RARG: variants seen among roughly 807,000 people sequenced by gnomAD.
The protein encoded by RARG is retinoic acid receptor gamma, also known as RAR-gamma.
In RARG, 17 loss-of-function variants were observed where a neutral mutation model predicts 43.7. That is an observed-to-expected ratio of 0.39 (90% CI 0.27 to 0.58). The LOEUF is 0.58. Ranked by LOEUF, RARG falls within the 20% of genes least tolerant of loss-of-function variation. RARG has a pLI of 0.57. For synonymous variants in RARG, 238 were observed against 236.4 expected (o/e 1.01, Z -0.06); for missense variants, 346 against 598.7 (o/e 0.58, Z 4.40).
At position 53,223,105 on chromosome 12, in the gene RARG, G is replaced by T. The variant is rs541428779; in HGVS notation, c.184+4257C>A. Among the ~76,000 whole-genome samples the T allele has an allele frequency of 2.0e-5, 3 of 152,302 alleles. No individual in the cohort carries two copies. In the East Asian group the frequency reaches 5.8e-4, roughly 29 times the overall value. On this transcript the variant is annotated intron_variant, in intron 3 of 9. Transcript: ENST00000425354. The stretch of plus-strand genomic sequence containing the variant: ...GTCCCTGCCACCCTGGCAAGGATGA[G>T]TTTGGCCAGGACGAGGCAGGGCAGG...
At chr12:53,226,145 C>G (rs1943102457) in intron 3 of RARG, among the ~76,000 whole-genome samples, 1 of 152,114 alleles carries the variant, frequency 6.6e-6, no homozygotes, top group African/African-American at 2.4e-5. Flanking sequence ...TTCTCTCTCT[C>G]TCAGACAGAA....
At chr12:53,216,841 T>TGTGTGTGTGC (rs1430491578) in intron 3 of RARG, among the ~76,000 whole-genome samples, 37 of 129,430 alleles carry the variant, frequency 2.9e-4, no homozygotes, top group African/African-American at 1.0e-3. Context: ...TGTGTGTGTG[T>TGTGTGTGTGC]GCGCGCGCGC....
Position 53,213,794 on chromosome 12 carries a change from A to T in RARG, c.814-94T>A. On this transcript the variant is annotated intron_variant, in intron 7 of 9. Transcript: ENST00000425354. The surrounding 1 kb of genome is among the most constrained non-coding windows in gnomAD (Gnocchi z 4.7). ...AAGTGAGGAGGTTAGGTCCCCAGTG[A>T]GTGCAACCTGAAGCAGGCATGGAGA... is the stretch of plus-strand genomic sequence containing the variant. 2.3e-6 allele frequency: 3 copies of T among 1,322,538 alleles called. No individual in the cohort carries two copies. Among genetic ancestry groups the T allele is most frequent in the Non-Finnish European group, 3.2e-6 (3 of 941,100 alleles). 81.9% of individuals were successfully genotyped at this position (1,322,538 alleles called of 1,614,324 possible).
intron 3 of RARG, chr12:53,220,327 T>C (rs1005976558): frequency 1.5e-6 from 2 of 1,358,670 alleles, no homozygotes; most frequent in Non-Finnish European, 1.9e-6. Context: ...TTAGCCTCCG[T>C]CCAGCTCTTA....
chr12:53,222,206 A>G (rs959434204), intron 3 of RARG, among the ~76,000 whole-genome samples: 1 of 151,372 alleles, frequency 6.6e-6, no homozygotes, highest in African/African-American at 2.4e-5. Flanking sequence ...AGTCACCCGA[A>G]CCCCACAAAA....
intron 3 of RARG, chr12:53,219,977 C>A: frequency 6.6e-7 from 1 of 1,517,944 alleles, no homozygotes; most frequent in South Asian, 1.2e-5. Context: ...TGCGGCCAGG[C>A]AAAAGATTCA....
intron 3 of RARG, among the ~76,000 whole-genome samples, chr12:53,225,122 T>C (rs888182934): frequency 3.9e-5 from 6 of 152,306 alleles, no homozygotes. Flanking sequence ...GGGTGGTTCC[T>C]TCCCACTTCC....
rs529503303 is a variant in RARG, at chr12:53,214,941, G to T, written c.476-335C>A. On this transcript the variant is annotated intron_variant, in intron 5 of 9. Transcript: ENST00000425354. ...GCCTTGGCAGCACAATGGGGGCGAG[G>T]GGGGGGTGGAGAGGAGGAGCCACCC... 24 of 397,582 alleles carry T rather than the reference G, an allele frequency of 6.0e-5. No homozygotes were observed. The South Asian group carries it at 7.9e-4, about 13-fold the overall frequency. 24.6% of individuals were successfully genotyped at this position (397,582 alleles called of 1,614,324 possible). A position where few individuals can be genotyped will look rare whatever the true frequency, so the allele number is the denominator to read the frequency against.
chr12:53,225,155 T>C (rs1943075577), intron 3 of RARG, among the ~76,000 whole-genome samples: 3 of 152,124 alleles, frequency 2.0e-5, no homozygotes, highest in South Asian at 4.1e-4. Context: ...GACAGATTCA[T>C]GGGGTGAAAA....
intron 3 of RARG, among the ~76,000 whole-genome samples, chr12:53,217,877 G>A (rs754855847): frequency 1.4e-4 from 21 of 152,136 alleles, no homozygotes; most frequent in Non-Finnish European, 2.1e-4. Flanking sequence ...TCCCAGCTGC[G>A]AGGCTCAGAG....
Position 53,219,888 on chromosome 12 carries a change from G to A in RARG, c.185-4094C>T, listed in dbSNP as rs575459679. ...CACCTCAGTTCCACTCTTTACACACGGAAAGAGTAAATCCCACCCTCTCCT... is the reference window on the plus strand; with the variant it reads ...CACCTCAGTTCCACTCTTTACACACAGAAAGAGTAAATCCCACCCTCTCCT... On this transcript the variant is annotated intron_variant, in intron 3 of 9. Transcript: ENST00000425354. 1,087 of 1,393,058 alleles carry A rather than the reference G, an allele frequency of 7.8e-4. 18 individuals are homozygous for A. The South Asian group carries it at 0.016, about 20-fold the overall frequency. The allele number at this position is 1,393,058 out of a possible 1,614,324, so 86.3% of individuals were successfully genotyped here. A position where few individuals can be genotyped will look rare whatever the true frequency, so the allele number is the denominator to read the frequency against.
intron 2 of RARG, among the ~76,000 whole-genome samples, chr12:53,230,675 A>G (rs1943211481): frequency 2.0e-5 from 3 of 151,056 alleles, no homozygotes; most frequent in African/African-American, 7.3e-5. Flanking sequence ...CAGGCAGGCA[A>G]TGCCAGTGGA....
At position 53,213,298 on chromosome 12, in the gene RARG, A is replaced by G. The variant is rs750559241; in HGVS notation, c.1019-55T>C. On this transcript the variant is annotated intron_variant, in intron 8 of 9. Coordinates refer to ENST00000425354, the MANE Select transcript of RARG (RefSeq NM_000966.6). This position sits in a 1 kb window ranked among gnomAD's most constrained non-coding sequence, Gnocchi z 4.7. Reference sequence around the variant, plus strand: ...GGGAAGGAAGAGATGGGGAAGACACAGTGACAGATGGCTGATCACCAACCG... The same window carrying G: ...GGGAAGGAAGAGATGGGGAAGACACGGTGACAGATGGCTGATCACCAACCG... 6.6e-7 allele frequency: 1 copy of G among 1,509,988 alleles called. No individual in the cohort carries two copies. The highest frequency in any genetic ancestry group is 9.1e-7 in the Non-Finnish European group (1 of 1,094,008). 93.5% of individuals were successfully genotyped at this position (1,509,988 alleles called of 1,614,324 possible).
intron 3 of RARG, among the ~76,000 whole-genome samples, chr12:53,224,942 G>A (rs973968460): frequency 1.3e-5 from 2 of 152,134 alleles, no homozygotes. Flanking sequence ...GGGCGCAAGG[G>A]GGACGTCACT....
At chr12:53,226,965 C>T (rs1274313619) in intron 3 of RARG, among the ~76,000 whole-genome samples, 1 of 152,130 alleles carries the variant, frequency 6.6e-6, no homozygotes, top group Non-Finnish European at 1.5e-5. Context: ...GACTCCTCTG[C>T]TTCCCAGTTT....
At position 53,232,043 on chromosome 12, in the gene RARG, G is replaced by A. The variant is rs909722696; in HGVS notation, c.-279C>T. 1.3e-5 allele frequency: 5 copies of A among 398,402 alleles called. No homozygotes were observed. Among genetic ancestry groups the A allele is most frequent in the Admixed American group, 4.4e-5 (1 of 22,740 alleles). The allele number at this position is 398,402 out of a possible 1,614,324, so 24.7% of individuals were successfully genotyped here. ...GGCGTCGGGCAGTCTCTTGGATGGA[G>A]CGTCGCAATGTCCGGGGCTCGCCGT... On this transcript the variant is annotated 5_prime_UTR_variant, in exon 1 of 10. Coordinates refer to ENST00000425354, the MANE Select transcript of RARG (RefSeq NM_000966.6).
chr12:53,223,219 T>C (rs1179503404), intron 3 of RARG, among the ~76,000 whole-genome samples: 5 of 152,150 alleles, frequency 3.3e-5, no homozygotes, highest in African/African-American at 1.2e-4. Flanking sequence ...TTCCTCACGC[T>C]AAATTCTCCC....
chr12:53,231,792 T>A (rs1280799541), intron 1 of RARG, among the ~76,000 whole-genome samples, 182 bp downstream of exon 1: 1 of 152,190 alleles, frequency 6.6e-6, no homozygotes, highest in Non-Finnish European at 1.5e-5. Context: ...TCTTCCCCAT[T>A]CCCTTCCCAC....
intron 3 of RARG, chr12:53,220,362 T>C (rs891692695): frequency 5.2e-6 from 5 of 961,396 alleles, no homozygotes; most frequent in Admixed American, 2.0e-4. Flanking sequence ...CAGCTAGCAC[T>C]GGGGAGACCT....
Sources: allele counts gnomAD v4.1 joint callset (sites outside exome capture counted in the v4.1 genomes callset), GRCh38; gene constraint gnomAD v4.1.1; non-coding constraint Gnocchi (gnomAD v3.1); transcripts MANE v1.5; gene names NCBI Gene and HGNC (gene_info 2026-07-23, HGNC 2026-07-21).